Variants in CERS6 observed in about 807,000 individuals in gnomAD.
CERS6 encodes ceramide synthase 6, also known as LAG1 homolog, ceramide synthase 6.
A neutral mutation model predicts 56.8 loss-of-function variants in CERS6; 26 were observed. The observed-to-expected ratio is 0.46, with a 90% CI of 0.34 to 0.63. The LOEUF is 0.63. CERS6 is among the 30% of genes least tolerant of loss of function. The pLI is 0.01. For missense variants in CERS6, 415 were observed against 467.5 expected (o/e 0.89, Z 1.04); for synonymous variants, 164 against 173.3 (o/e 0.95, Z 0.42).
intron 3 of CERS6, among the ~76,000 whole-genome samples, chr2:168,587,489 C>T (rs1363618670): frequency 6.6e-6 from 1 of 152,172 alleles, no homozygotes; most frequent in East Asian, 1.9e-4. Context: ...CTGCTCCTTG[C>T]CAAGGGCCTT....
At chr2:168,476,820 T>C (rs1694080844) in intron 1 of CERS6, among the ~76,000 whole-genome samples, 1 of 152,168 alleles carries the variant, frequency 6.6e-6, no homozygotes, top group Non-Finnish European at 1.5e-5. Flanking sequence ...TCTGCCCATA[T>C]TGAGGGCAGA....
At chr2:168,726,442 A>T (rs1683357428) in intron 8 of CERS6, among the ~76,000 whole-genome samples, 1 of 152,244 alleles carries the variant, frequency 6.6e-6, no homozygotes. Context: ...TGCCCCAGTC[A>T]AGATAACATA....
At chr2:168,585,333 G>A (rs1683515259) in intron 3 of CERS6, among the ~76,000 whole-genome samples, 1 of 152,224 alleles carries the variant, frequency 6.6e-6, no homozygotes, top group East Asian at 1.9e-4. Context: ...AATAGGTGCA[G>A]GAGACAGTGA....
At chr2:168,746,778 T>C (rs1162102052) in intron 8 of CERS6, among the ~76,000 whole-genome samples, 2 of 45,836 alleles carry the variant, frequency 4.4e-5, no homozygotes, top group Non-Finnish European at 8.1e-5. Context: ...GTAAAGGGTA[T>C]ATATATATAT....
At chr2:168,593,323 A>T (rs1368530025) in intron 3 of CERS6, among the ~76,000 whole-genome samples, 1 of 152,214 alleles carries the variant, frequency 6.6e-6, no homozygotes, top group Non-Finnish European at 1.5e-5. Flanking sequence ...TCTGCCTGCC[A>T]CATCATTTGA....
intron 1 of CERS6, among the ~76,000 whole-genome samples, chr2:168,526,842 T>C (rs1558984473): frequency 6.6e-6 from 1 of 152,250 alleles, no homozygotes; most frequent in Non-Finnish European, 1.5e-5. Flanking sequence ...TTTAGTTTCT[T>C]ATCCAGCAGC....
chr2:168,649,585 G>T (rs1410670735), intron 4 of CERS6, among the ~76,000 whole-genome samples: 5 of 151,938 alleles, frequency 3.3e-5, no homozygotes, highest in Non-Finnish European at 1.5e-5. Context: ...AAAAGCTTTG[G>T]CTGTACTAGA....
At chr2:168,547,824 GTGT>G in intron 2 of CERS6, 123 bp downstream of exon 2, 1 of 678,326 alleles carries the variant, frequency 1.5e-6, no homozygotes, top group Non-Finnish European at 2.7e-6. Context: ...GCTGGAGAAC[GTGT>G]TGTCAGAAGG....
intron 5 of CERS6, among the ~76,000 whole-genome samples, chr2:168,692,287 C>G (rs1298348223): frequency 6.6e-6 from 1 of 152,168 alleles, no homozygotes; most frequent in Non-Finnish European, 1.5e-5. Context: ...TCACATAAGG[C>G]TCCTTGTGTC....
intron 4 of CERS6, among the ~76,000 whole-genome samples, chr2:168,638,329 C>G (rs984872622): frequency 7.3e-5 from 11 of 151,524 alleles, no homozygotes; most frequent in Admixed American, 2.0e-4. Flanking sequence ...ACTAGCAGAC[C>G]ATCTATATAC....
intron 3 of CERS6, among the ~76,000 whole-genome samples, chr2:168,630,372 T>A: frequency 6.6e-6 from 1 of 152,036 alleles, no homozygotes; most frequent in Non-Finnish European, 1.5e-5. Flanking sequence ...TTCCATCATT[T>A]AAAATCAAAA....
At chr2:168,504,375 A>G (rs202029261) in intron 1 of CERS6, among the ~76,000 whole-genome samples, 1 of 136,228 alleles carries the variant, frequency 7.3e-6, no homozygotes, top group Non-Finnish European at 1.6e-5. Context: ...CATTTAAACA[A>G]AAAAAAAAAG....
At chr2:168,754,499 C>T (rs1684364094) in intron 8 of CERS6, among the ~76,000 whole-genome samples, 1 of 152,088 alleles carries the variant, frequency 6.6e-6, no homozygotes, top group South Asian at 2.1e-4. Flanking sequence ...TAAGGCCTAC[C>T]TGAAGCTCTG....
chr2:168,693,726 G>T (rs1686565647), intron 5 of CERS6, among the ~76,000 whole-genome samples: 2 of 152,126 alleles, frequency 1.3e-5, no homozygotes, highest in East Asian at 1.9e-4. Flanking sequence ...ATTCATGGGG[G>T]CTCCACTCTG....
chr2:168,664,686 G>A (rs949816332), intron 4 of CERS6, among the ~76,000 whole-genome samples: 2 of 152,178 alleles, frequency 1.3e-5, no homozygotes, highest in African/African-American at 2.4e-5. Context: ...TGGTGGGAGT[G>A]TAGCAGTGAG....
intron 3 of CERS6, among the ~76,000 whole-genome samples, chr2:168,588,290 A>T (rs1212327453): frequency 3.9e-5 from 6 of 152,074 alleles, no homozygotes; most frequent in Non-Finnish European, 1.5e-5. Context: ...TTAAGTGTAC[A>T]ATTCAGTGGC....
intron 1 of CERS6, among the ~76,000 whole-genome samples, chr2:168,466,686 AAAG>A (rs1693887538): frequency 6.6e-6 from 1 of 152,154 alleles, no homozygotes; most frequent in African/African-American, 2.4e-5. Context: ...TTCTTCTTTT[AAAG>A]AAGAACTTCC....
chr2:168,526,461 T>C (rs1012716745), intron 1 of CERS6, among the ~76,000 whole-genome samples: 1 of 152,244 alleles, frequency 6.6e-6, no homozygotes, highest in African/African-American at 2.4e-5. Flanking sequence ...TATTGATATG[T>C]TATTTTTCTC....
At chr2:168,672,498 A>G (rs772626476) in intron 4 of CERS6, among the ~76,000 whole-genome samples, 5 of 152,248 alleles carry the variant, frequency 3.3e-5, no homozygotes, top group Non-Finnish European at 5.9e-5. Context: ...AATACAACAG[A>G]AGATAAAGAG....
Sources: allele counts gnomAD v4.1 joint callset (sites outside exome capture counted in the v4.1 genomes callset), GRCh38; gene constraint gnomAD v4.1.1; transcripts MANE v1.5; gene names NCBI Gene and HGNC (gene_info 2026-07-23, HGNC 2026-07-21).